Variants in NEIL1 observed in about 807,000 individuals in gnomAD.
The protein encoded by NEIL1 is endonuclease 8-like 1.
Under a neutral mutation model 44.2 loss-of-function variants are expected in NEIL1, and 31 were observed. The observed-to-expected ratio is 0.70, with a 90% CI of 0.53 to 0.95. The LOEUF is 0.95. Among genes scored for constraint, NEIL1 ranks in the 40% least tolerant of loss-of-function variants. The pLI, the probability that NEIL1 is intolerant of heterozygous loss-of-function variation, is 0.00. For synonymous variants in NEIL1, 254 were observed against 209.7 expected (o/e 1.21, Z -1.83); for missense variants, 549 against 515.5 (o/e 1.07, Z -0.63).
chr15:75,353,411 A>G (rs2072086364), intron 5 of NEIL1: 1 of 348,228 alleles, frequency 2.9e-6, no homozygotes, highest in African/African-American at 2.1e-5. Flanking sequence ...TTTTTTGTAG[A>G]GACAGGGTCT....
intron 1 of NEIL1, chr15:75,348,364 GTGT>G (rs1310400138): frequency 1.0e-6 from 1 of 989,400 alleles, no homozygotes; most frequent in Non-Finnish European, 1.2e-6. Context: ...CGGGTCCTAA[GTGT>G]GGGGGGAGGG....
Position 75,356,296 on chromosome 15 carries a change from C to T in NEIL1, c.*1262C>T. The T allele has an allele frequency of 6.2e-7, 1 of 1,611,116 alleles. No individual in the cohort carries two copies. The highest frequency in any genetic ancestry group is 8.5e-7 in the Non-Finnish European group (1 of 1,179,062). On this transcript the variant is annotated 3_prime_UTR_variant, in exon 10 of 10. Coordinates refer to ENST00000355059, the MANE Select transcript of NEIL1 (RefSeq NM_024608.4). The surrounding 1 kb of genome is among the most constrained non-coding windows in gnomAD (Gnocchi z 5.8). ...ACCCCGTCCCCAGCACGTCCCACCC[C>T]TTGCCTGCTTGACGGTCTCCAATAC...
Position 75,355,725 on chromosome 15 carries a change from C to A in NEIL1, c.*691C>A. On this transcript the variant is annotated 3_prime_UTR_variant, in exon 10 of 10. Transcript: ENST00000355059. Reference sequence around the variant, plus strand: ...ACCCACCAAATACCTGGGAAGCCATCCCACCCCAGACTTCCCACCCCCACC... The same window carrying A: ...ACCCACCAAATACCTGGGAAGCCATACCACCCCAGACTTCCCACCCCCACC... 33 of 406,166 alleles carry A rather than the reference C, an allele frequency of 8.1e-5. No individual in the cohort carries two copies. Among genetic ancestry groups the A allele is most frequent in the Middle Eastern group, 8.6e-4 (1 of 1,168 alleles). The allele number at this position is 406,166 out of a possible 1,614,324, so 25.2% of individuals were successfully genotyped here. A position where few individuals can be genotyped will look rare whatever the true frequency, so the allele number is the denominator to read the frequency against.
chr15:75,348,081 C>A, intron 1 of NEIL1: 1 of 1,021,142 alleles, frequency 9.8e-7, no homozygotes. Flanking sequence ...GGGCCCTTTC[C>A]CTCCCCCAGG....
Position 75,353,773 on chromosome 15 carries a change from G to T in NEIL1, c.753G>T (p.Glu251Asp). Residue 251 changes from glutamate (E) to aspartate (D), a missense_variant, in exon 6 of 10, where the codon GAG (glutamate) becomes GAT (aspartate). Glu to Asp is a conservative substitution (Grantham distance 45). Transcript: ENST00000355059. ...GKGYGSESGE[E>D]DFAAFRAWLR... is the part of the protein sequence containing the mutation. ...GCTACGGGTCAGAGAGCGGGGAGGAGGACTTTGCTGCCTTTCGAGCCTGGC... is the reference window on the plus strand; with the variant it reads ...GCTACGGGTCAGAGAGCGGGGAGGATGACTTTGCTGCCTTTCGAGCCTGGC... The T allele has an allele frequency of 6.2e-7, 1 of 1,614,164 alleles. No homozygotes were observed. The highest frequency in any genetic ancestry group is 8.5e-7 in the Non-Finnish European group (1 of 1,180,014).
At position 75,354,447 on chromosome 15, in the gene NEIL1, A is replaced by G; in HGVS notation, c.891A>G (p.Lys297=). 2.5e-6 allele frequency: 4 copies of G among 1,614,168 alleles called. No homozygotes were observed. In the South Asian group the frequency reaches 3.3e-5, roughly 13 times the overall value. Reference sequence around the variant, plus strand: ...GTCCTGCAGGGCGCAAGTCCCGCAAAAAGAAATCCAAGGCCACACAGCTGA... The same window carrying G: ...GTCCTGCAGGGCGCAAGTCCCGCAAGAAGAAATCCAAGGCCACACAGCTGA... ...PLAPKGRKSR[K]KKSKATQLSP... The change falls in exon 8 of 10, where the codon AAA becomes AAG. Residue 297 remains lysine, a synonymous_variant. Transcript: ENST00000355059.
In NEIL1 at chr15:75,356,832, T is replaced by C. The variant is rs776736788; in HGVS notation, c.*1798T>C. 3 of 1,613,992 alleles carry C rather than the reference T, an allele frequency of 1.9e-6. No homozygotes were observed. Among genetic ancestry groups the C allele is most frequent in the East Asian group, 2.2e-5 (1 of 44,894 alleles). On this transcript the variant is annotated 3_prime_UTR_variant, in exon 10 of 10. Transcript: ENST00000355059. The surrounding 1 kb of genome is among the most constrained non-coding windows in gnomAD (Gnocchi z 5.8). ...GATGCTGCCTCGCACTGACGCGCCA[T>C]ACTTGCAGTCGTTGAGCAGGGCCAG...
Position 75,348,898 on chromosome 15 carries a change from C to T in NEIL1, c.-8C>T. The T allele has an allele frequency of 3.7e-6, 6 of 1,609,566 alleles. No homozygotes were observed. Among genetic ancestry groups the T allele is most frequent in the Non-Finnish European group, 5.1e-6 (6 of 1,179,286 alleles). On this transcript the variant is annotated 5_prime_UTR_variant, in exon 2 of 10. Coordinates refer to ENST00000355059, the MANE Select transcript of NEIL1 (RefSeq NM_024608.4). ...CTCCCCAACAGGACTCTGCCACCCT[C>T]CCTCAGGATGCCTGAGGGCCCCGAG...
chr15:75,354,829 C>T lies in NEIL1; in HGVS notation c.1102+11C>T, dbSNP rs1322831566. ...GACAGGCAGCCTCTGGTGGGCTTTC[C>T]TCATCACTCCCAGAAACTGGCTCTA... On this transcript the variant is annotated intron_variant, in intron 9 of 9. Coordinates refer to ENST00000355059, the MANE Select transcript of NEIL1 (RefSeq NM_024608.4). 2.5e-6 allele frequency: 4 copies of T among 1,613,798 alleles called. No individual in the cohort carries two copies. The African/African-American group carries it at 4.0e-5, about 16-fold the overall frequency.
At position 75,354,685 on chromosome 15, in the gene NEIL1, G is replaced by A. The variant is rs527655454; in HGVS notation, c.969G>A (p.Arg323=). The A allele has an allele frequency of 2.9e-5, 47 of 1,614,058 alleles. No individual in the cohort carries two copies. The highest frequency in any genetic ancestry group is 3.8e-5 in the Non-Finnish European group (45 of 1,180,040). ...DALPPSKAPS[R]TRRAKRDLPK... ...TGCCTCCAAGCAAGGCCCCTTCCAGGACACGAAGGGCAAAGAGAGACCTTC... is the reference window on the plus strand; with the variant it reads ...TGCCTCCAAGCAAGGCCCCTTCCAGAACACGAAGGGCAAAGAGAGACCTTC... The change falls in exon 9 of 10, where the codon AGG becomes AGA. Residue 323 remains arginine, a synonymous_variant. Coordinates refer to ENST00000355059, the MANE Select transcript of NEIL1 (RefSeq NM_024608.4).
chr15:75,354,595 T>C lies in NEIL1; in HGVS notation c.937-58T>C, dbSNP rs373210204. Reference sequence around the variant, plus strand: ...AGAGGGCGGGGGGAGTGGTGGGCCCTAACCAACCTCTGAACTGCTTTCTGA... The same window carrying C: ...AGAGGGCGGGGGGAGTGGTGGGCCCCAACCAACCTCTGAACTGCTTTCTGA... On this transcript the variant is annotated intron_variant, in intron 8 of 9. Coordinates refer to ENST00000355059, the MANE Select transcript of NEIL1 (RefSeq NM_024608.4). The C allele has an allele frequency of 1.2e-4, 186 of 1,613,196 alleles. No homozygotes were observed. The African/African-American group carries it at 2.4e-3, about 21-fold the overall frequency.
At chr15:75,351,841 C>T (rs2071915329) in intron 2 of NEIL1, 1 of 375,624 alleles carries the variant, frequency 2.7e-6, no homozygotes, top group Non-Finnish European at 5.1e-6. Flanking sequence ...AGGCTGGTCT[C>T]GACCTCCTGA....
chr15:75,356,241 G>A lies in NEIL1; in HGVS notation c.*1207G>A. On this transcript the variant is annotated 3_prime_UTR_variant, in exon 10 of 10. Coordinates refer to ENST00000355059, the MANE Select transcript of NEIL1 (RefSeq NM_024608.4). The surrounding 1 kb of genome is among the most constrained non-coding windows in gnomAD (Gnocchi z 5.8). ...CCGCCTGCAGAGGAACACGTCTGGT[G>A]GGAGGGGCCGAGGGCAGGCCCAGTT... The A allele has an allele frequency of 1.9e-6, 3 of 1,612,424 alleles. No homozygotes were observed. Among genetic ancestry groups the A allele is most frequent in the Non-Finnish European group, 2.5e-6 (3 of 1,179,486 alleles).
Position 75,356,306 on chromosome 15 carries a change from T to C in NEIL1, c.*1272T>C, listed in dbSNP as rs894930551. On this transcript the variant is annotated 3_prime_UTR_variant, in exon 10 of 10. Transcript: ENST00000355059. This position sits in a 1 kb window ranked among gnomAD's most constrained non-coding sequence, Gnocchi z 5.8. ...CAGCACGTCCCACCCCTTGCCTGCT[T>C]GACGGTCTCCAATACGACCGCGGGT... 6.2e-7 allele frequency: 1 copy of C among 1,610,858 alleles called. No individual in the cohort carries two copies.
chr15:75,355,784 C>T lies in NEIL1; in HGVS notation c.*750C>T. 8.5e-7 allele frequency: 1 copy of T among 1,174,980 alleles called. No homozygotes were observed. The highest frequency in any genetic ancestry group is 1.5e-5 in the South Asian group (1 of 67,322). 72.8% of individuals were successfully genotyped at this position (1,174,980 alleles called of 1,614,324 possible). A position where few individuals can be genotyped will look rare whatever the true frequency, so the allele number is the denominator to read the frequency against. The stretch of plus-strand genomic sequence containing the variant: ...GAGGATGGGCCCTAAGGGGACTGAG[C>T]AGCAGGGTTCCCGATCCAAGGATTT... On this transcript the variant is annotated 3_prime_UTR_variant, in exon 10 of 10. Coordinates refer to ENST00000355059, the MANE Select transcript of NEIL1 (RefSeq NM_024608.4).
At chr15:75,354,595 T>TA in intron 8 of NEIL1, 58 bp from the exon 9 acceptor site, 2 of 1,613,198 alleles carry the variant, frequency 1.2e-6, no homozygotes, top group South Asian at 2.2e-5. Context: ...TGGTGGGCCC[T>TA]AACCAACCTC....
rs773801306 is a variant in NEIL1 at position 75,355,985 on chromosome 15, C to T, written c.*951C>T. 11 of 1,613,908 alleles carry T rather than the reference C, an allele frequency of 6.8e-6. No homozygotes were observed. Among genetic ancestry groups the T allele is most frequent in the East Asian group, 4.5e-5 (2 of 44,878 alleles). The stretch of plus-strand genomic sequence containing the variant: ...AAAGGTGAGCTTCAGGCGGTTGTCC[C>T]GAAGGGTCAAGTGGCCAGCAGGGTC... On this transcript the variant is annotated 3_prime_UTR_variant, in exon 10 of 10. Coordinates refer to ENST00000355059, the MANE Select transcript of NEIL1 (RefSeq NM_024608.4).
rs531295861 is a variant in NEIL1, at chr15:75,356,286, C to T, written c.*1252C>T. 59 of 1,611,882 alleles carry T rather than the reference C, an allele frequency of 3.7e-5. No homozygotes were observed. The highest frequency in any genetic ancestry group is 5.3e-5 in the African/African-American group (4 of 74,990). ...CCAGTTCGGAACCCCGTCCCCAGCA[C>T]GTCCCACCCCTTGCCTGCTTGACGG... On this transcript the variant is annotated 3_prime_UTR_variant, in exon 10 of 10. Transcript: ENST00000355059. The surrounding 1 kb of genome is among the most constrained non-coding windows in gnomAD (Gnocchi z 5.8).
intron 1 of NEIL1, chr15:75,347,717 G>A (rs1224614221): frequency 1.6e-5 from 13 of 817,192 alleles, no homozygotes; most frequent in Non-Finnish European, 1.9e-5. Context: ...TAGGGCTAAG[G>A]AGAAGATGAG....
Sources: gnomAD v4.1 joint callset for allele counts on GRCh38, gnomAD v4.1.1 for gene constraint, Gnocchi (gnomAD v3.1) non-coding constraint, MANE v1.5 for transcripts, NCBI Gene and HGNC (gene_info 2026-07-23, HGNC 2026-07-21) for gene names.